C7orf78: variants seen among roughly 807,000 people sequenced by gnomAD.
C7orf78 encodes the protein chromosome 7 open reading frame 78, also known as putative uncharacterized protein C7orf78.
the C7orf78 span, among the ~76,000 whole-genome samples, chr7:12,505,512 G>A: frequency 6.6e-6 from 1 of 152,104 alleles, no homozygotes. Flanking sequence ...ATTGGAGGCA[G>A]CATTTAAACT....
chr7:12,512,436 T>C, the C7orf78 span, among the ~76,000 whole-genome samples: 1 of 152,196 alleles, frequency 6.6e-6, no homozygotes, highest in Non-Finnish European at 1.5e-5. Context: ...TCTGCATCTG[T>C]TGAGATGATC....
the C7orf78 span, among the ~76,000 whole-genome samples, chr7:12,538,725 G>A: frequency 1.3e-5 from 2 of 152,054 alleles, no homozygotes; most frequent in Non-Finnish European, 2.9e-5. Context: ...AATTCACTGT[G>A]TTTACAGAAC....
At chr7:12,521,450 C>A in the C7orf78 span, among the ~76,000 whole-genome samples, 1 of 151,746 alleles carries the variant, frequency 6.6e-6, no homozygotes, top group African/African-American at 2.4e-5. Flanking sequence ...CATTATATGA[C>A]CTTCTTTCAT....
At chr7:12,492,931 G>A in the C7orf78 span, among the ~76,000 whole-genome samples, 6 of 152,266 alleles carry the variant, frequency 3.9e-5, no homozygotes, top group East Asian at 5.8e-4. Context: ...ACACTGGTGC[G>A]GTGGCTCATG....
the C7orf78 span, among the ~76,000 whole-genome samples, chr7:12,526,107 A>G: frequency 1.3e-5 from 2 of 152,138 alleles, no homozygotes; most frequent in Non-Finnish European, 2.9e-5. Context: ...TAAAGATAAT[A>G]TTTGTAAATC....
chr7:12,489,857 G>C, the C7orf78 span, among the ~76,000 whole-genome samples: 6 of 152,130 alleles, frequency 3.9e-5, no homozygotes, highest in East Asian at 1.2e-3. Context: ...GCTGGCAGGA[G>C]AAAGTGACAG....
At chr7:12,531,345 G>A in the C7orf78 span, among the ~76,000 whole-genome samples, 1 of 152,226 alleles carries the variant, frequency 6.6e-6, no homozygotes, top group Non-Finnish European at 1.5e-5. Flanking sequence ...ACCTCTCACA[G>A]CTCTCTTTAT....
chr7:12,503,055 G>A, the C7orf78 span, among the ~76,000 whole-genome samples: 7 of 137,594 alleles, frequency 5.1e-5, no homozygotes, highest in Non-Finnish European at 1.1e-4. Flanking sequence ...GACACAGGAA[G>A]GGGAACATGA....
chr7:12,529,853 C>T, the C7orf78 span, among the ~76,000 whole-genome samples: 1 of 152,230 alleles, frequency 6.6e-6, no homozygotes, highest in Admixed American at 6.5e-5. Context: ...TACTGCTCCT[C>T]GCGAAGCAGG....
At chr7:12,486,754 C>G in the C7orf78 span, among the ~76,000 whole-genome samples, 3 of 151,974 alleles carry the variant, frequency 2.0e-5, no homozygotes, top group Admixed American at 6.6e-5. Context: ...CTGTGTACTT[C>G]ATTATGTTCT....
the C7orf78 span, among the ~76,000 whole-genome samples, chr7:12,504,149 T>C: frequency 6.6e-6 from 1 of 152,222 alleles, no homozygotes; most frequent in African/African-American, 2.4e-5. Context: ...AGCAGATTGC[T>C]AAGCAATTAC....
chr7:12,539,119 T>C, the C7orf78 span, among the ~76,000 whole-genome samples: 1 of 152,144 alleles, frequency 6.6e-6, no homozygotes, highest in Non-Finnish European at 1.5e-5. Context: ...AAATCAGAAA[T>C]GGGTATTCCT....
At chr7:12,497,735 G>A in the C7orf78 span, among the ~76,000 whole-genome samples, 3 of 152,032 alleles carry the variant, frequency 2.0e-5, no homozygotes, top group Middle Eastern at 6.8e-3. Context: ...GCCCACCACA[G>A]CTCAAGGAGG....
the C7orf78 span, among the ~76,000 whole-genome samples, chr7:12,529,645 G>C: frequency 6.6e-6 from 1 of 152,270 alleles, no homozygotes; most frequent in Non-Finnish European, 1.5e-5. Context: ...ATACATGTAA[G>C]GTATACATTG....
At chr7:12,505,563 ACT>A in the C7orf78 span, among the ~76,000 whole-genome samples, 1 of 152,130 alleles carries the variant, frequency 6.6e-6, no homozygotes, top group African/African-American at 2.4e-5. Context: ...GTGGAGAATA[ACT>A]CTGCTTATTG....
the C7orf78 span, among the ~76,000 whole-genome samples, chr7:12,503,181 TA>T: frequency 7.3e-6 from 1 of 136,370 alleles, no homozygotes; most frequent in African/African-American, 2.9e-5. Context: ...CATGTATATG[TA>T]TGTAACTAAG....
the C7orf78 span, chr7:12,531,197 C>T: frequency 1.0e-5 from 4 of 394,638 alleles, no homozygotes; most frequent in African/African-American, 8.2e-5. Flanking sequence ...TATAAGTGCT[C>T]TACTGTCATA....
the C7orf78 span, among the ~76,000 whole-genome samples, chr7:12,508,210 A>C: frequency 3.3e-5 from 5 of 152,228 alleles, no homozygotes; most frequent in Non-Finnish European, 2.9e-5. Context: ...TTCCCTGCAG[A>C]CAACAGGCTG....
chr7:12,526,433 C>T, the C7orf78 span, among the ~76,000 whole-genome samples: 1 of 152,022 alleles, frequency 6.6e-6, no homozygotes, highest in Non-Finnish European at 1.5e-5. Flanking sequence ...TATTATTTAG[C>T]ATTTCTTATT....
Sources: allele counts gnomAD v4.1 joint callset (sites outside exome capture counted in the v4.1 genomes callset), GRCh38; gene constraint gnomAD v4.1.1; transcripts MANE v1.5; gene names NCBI Gene and HGNC (gene_info 2026-07-23, HGNC 2026-07-21).